CAPZB: variants seen among roughly 807,000 people sequenced by gnomAD.
CAPZB encodes F-actin-capping protein subunit beta.
In CAPZB, 2 loss-of-function variants were observed where a neutral mutation model predicts 38.1. The observed-to-expected ratio is 0.05, with a 90% CI of 0.02 to 0.17. The LOEUF (loss-of-function observed/expected upper bound fraction) is 0.17, where lower values mean the gene tolerates loss of function less well. Among genes scored for constraint, CAPZB ranks in the 10% least tolerant of loss-of-function variants. CAPZB has a pLI of 1.00. For synonymous variants in CAPZB, 107 were observed against 127.4 expected (o/e 0.84, Z 1.08); for missense variants, 161 against 334.2 (o/e 0.48, Z 4.04).
intron 1 of CAPZB, among the ~76,000 whole-genome samples, chr1:19,447,272 CTTTTTTTT>C (rs35692222): frequency 1.3e-5 from 1 of 74,876 alleles, no homozygotes; most frequent in Non-Finnish European, 2.4e-5. Context: ...CAGACCTAAT[CTTTTTTTT>C]TTTTTTTTTT....
Position 19,463,907 on chromosome 1 carries a change from C to T in CAPZB, c.3+21529G>A, listed in dbSNP as rs569055636. Among the ~76,000 whole-genome samples, 165 of 151,828 alleles carry T rather than the reference C, an allele frequency of 1.1e-3. 1 individual carries two copies. Among genetic ancestry groups the T allele is most frequent in the Non-Finnish European group, 2.0e-3 (134 of 67,964 alleles). ...AGAAATGAGGACAGCAGGCCAGGCA[C>T]GGTGGCTTATGCCTGTAATCCCAAC... On this transcript the variant is annotated intron_variant, in intron 1 of 8. Transcript: ENST00000264202.
intron 2 of CAPZB, among the ~76,000 whole-genome samples, chr1:19,396,816 T>C (rs34873850): frequency 0.19 from 28,366 of 149,392 alleles, 3,267 homozygotes; most frequent in Admixed American, 0.24. Context: ...AATTAGGCAC[T>C]GTGGCGAGCA....
intron 2 of CAPZB, among the ~76,000 whole-genome samples, chr1:19,392,914 G>A (rs1471610527): frequency 6.6e-5 from 10 of 152,178 alleles, no homozygotes; most frequent in Non-Finnish European, 1.3e-4. Context: ...GGCTGTCCTC[G>A]CCTAGGGAGA....
At chr1:19,454,429 T>C (rs1163386222) in intron 1 of CAPZB, among the ~76,000 whole-genome samples, 4 of 152,188 alleles carry the variant, frequency 2.6e-5, no homozygotes, top group African/African-American at 9.7e-5. Context: ...CAAATGATAT[T>C]TGGAGGGCTT....
chr1:19,395,538 G>C lies in CAPZB; in HGVS notation c.94-9912C>G, dbSNP rs1190587092. Reference sequence around the variant, plus strand: ...AACGGTTTCCTAAAGAAAGGGTCAGGAAGGGGCAGAACAAAGAAGACAAAT... The same window carrying C: ...AACGGTTTCCTAAAGAAAGGGTCAGCAAGGGGCAGAACAAAGAAGACAAAT... On this transcript the variant is annotated intron_variant, in intron 2 of 8. Coordinates refer to ENST00000264202, the MANE Select transcript of CAPZB (RefSeq NM_004930.5). Among the ~76,000 whole-genome samples the C allele has an allele frequency of 2.0e-5, 3 of 152,210 alleles. 1 individual carries two copies. Among genetic ancestry groups the C allele is most frequent in the Admixed American group, 2.0e-4 (3 of 15,280 alleles).
At chr1:19,421,348 A>T (rs951698378) in intron 1 of CAPZB, among the ~76,000 whole-genome samples, 12 of 152,304 alleles carry the variant, frequency 7.9e-5, no homozygotes, top group Middle Eastern at 3.4e-3. Flanking sequence ...TCATTTTTTT[A>T]AAAAAAGATA....
In CAPZB at chr1:19,365,187, C is replaced by A. The variant is rs183535804; in HGVS notation, c.330-7624G>T. On this transcript the variant is annotated intron_variant, in intron 4 of 8. Transcript: ENST00000264202. ...GTTGCCATGAAAATACCTCTCACAT[C>A]CTGGACTTGAGAACTTGGTAGACTG... Among the ~76,000 whole-genome samples the A allele has an allele frequency of 9.9e-5, 15 of 152,248 alleles. No individual in the cohort carries two copies. The East Asian group carries it at 1.9e-3, about 20-fold the overall frequency.
chr1:19,474,409 C>G (rs77635024), intron 1 of CAPZB, among the ~76,000 whole-genome samples: 1 of 152,094 alleles, frequency 6.6e-6, no homozygotes, highest in Non-Finnish European at 1.5e-5. Flanking sequence ...GGTTCAAGCC[C>G]GCACAGTTCA....
intron 2 of CAPZB, among the ~76,000 whole-genome samples, chr1:19,403,816 C>T (rs1394278830): frequency 6.6e-6 from 1 of 152,198 alleles, no homozygotes; most frequent in Admixed American, 6.5e-5. Flanking sequence ...AAAGTGACCC[C>T]GCTTTGGGCA....
chr1:19,362,744 C>T (rs1404285628), intron 4 of CAPZB, among the ~76,000 whole-genome samples: 1 of 152,144 alleles, frequency 6.6e-6, no homozygotes, highest in Non-Finnish European at 1.5e-5. Context: ...CCAGACAGCA[C>T]GGGCAGCACA....
Position 19,339,566 on chromosome 1 carries a change from G to A in CAPZB, c.783C>T (p.Asp261=), listed in dbSNP as rs370380289. ...GCTTTCTCTTCAAAGCCTCCACCAG[G>A]TCATTCTTCAGAGCTTCTTGTTTTG... is the stretch of plus-strand genomic sequence containing the variant. ...DKSKQEALKN[D]LVEALKRKQQ... The change falls in exon 9 of 9, where the codon GAC becomes GAT. Residue 261 remains aspartate, a synonymous_variant. Transcript: ENST00000264202. 1.4e-5 allele frequency: 22 copies of A among 1,614,082 alleles called. No individual in the cohort carries two copies. The highest frequency in any genetic ancestry group is 8.9e-5 in the East Asian group (4 of 44,884).
At chr1:19,376,424 ATC>A (rs2094145028) in intron 4 of CAPZB, among the ~76,000 whole-genome samples, 1 of 152,220 alleles carries the variant, frequency 6.6e-6, no homozygotes, top group Non-Finnish European at 1.5e-5. Context: ...TTTTGCCCAA[ATC>A]TCTTTCAAAT....
At chr1:19,391,757 A>C (rs903123028) in intron 2 of CAPZB, among the ~76,000 whole-genome samples, 3 of 152,168 alleles carry the variant, frequency 2.0e-5, no homozygotes, top group Non-Finnish European at 4.4e-5. Flanking sequence ...TGTCAAGGAG[A>C]AATTCACACT....
At chr1:19,437,357 A>C (rs1240696329) in intron 1 of CAPZB, among the ~76,000 whole-genome samples, 1 of 152,190 alleles carries the variant, frequency 6.6e-6, no homozygotes, top group African/African-American at 2.4e-5. Context: ...AACAACATCC[A>C]GTCAGTACAT....
At position 19,432,960 on chromosome 1, in the gene CAPZB, A is replaced by G. The variant is rs1416163146; in HGVS notation, c.4-13210T>C. Among the ~76,000 whole-genome samples the G allele has an allele frequency of 5.3e-5, 8 of 152,356 alleles. No individual in the cohort carries two copies. The South Asian group carries it at 1.7e-3, about 32-fold the overall frequency. On this transcript the variant is annotated intron_variant, in intron 1 of 8. Coordinates refer to ENST00000264202, the MANE Select transcript of CAPZB (RefSeq NM_004930.5). ...TCTGAAATCTGTCACCGTGGATTAC[A>G]GACGGTATTCTCACAAACACTATCC...
chr1:19,419,530 A>G (rs1303364285), intron 2 of CAPZB, 131 bp downstream of exon 2: 1 of 620,592 alleles, frequency 1.6e-6, no homozygotes, highest in Non-Finnish European at 2.9e-6. Flanking sequence ...GGAATCTCAT[A>G]GTCCAGTGGC....
At chr1:19,456,301 AAAC>A (rs2094532912) in intron 1 of CAPZB, among the ~76,000 whole-genome samples, 1 of 152,238 alleles carries the variant, frequency 6.6e-6, no homozygotes, top group African/African-American at 2.4e-5. Context: ...TTTGAGAAGT[AAAC>A]AAAAGAAATT....
chr1:19,396,329 G>C (rs77191145), intron 2 of CAPZB, among the ~76,000 whole-genome samples: 1 of 152,180 alleles, frequency 6.6e-6, no homozygotes. Flanking sequence ...TGCCTTGGTG[G>C]GAAGCAAGTT....
At chr1:19,367,402 C>T (rs1208659168) in intron 4 of CAPZB, among the ~76,000 whole-genome samples, 4 of 152,340 alleles carry the variant, frequency 2.6e-5, no homozygotes, top group Non-Finnish European at 2.9e-5. Flanking sequence ...GCAACCTCGA[C>T]GTGTTGTGAG....
Sources: allele counts gnomAD v4.1 joint callset (sites outside exome capture counted in the v4.1 genomes callset), GRCh38; gene constraint gnomAD v4.1.1; transcripts MANE v1.5; gene names NCBI Gene and HGNC (gene_info 2026-07-23, HGNC 2026-07-21).